VPS8: variants seen among roughly 807,000 people sequenced by gnomAD.
The protein encoded by VPS8 is VPS8 subunit of CORVET complex.
Under a neutral mutation model 216.4 loss-of-function variants are expected in VPS8, and 129 were observed. That is an observed-to-expected ratio of 0.60 (90% CI 0.52 to 0.69). VPS8 has a LOEUF of 0.69. Among genes scored for constraint, VPS8 ranks in the 30% least tolerant of loss-of-function variants. The probability of loss-of-function intolerance (pLI) is 0.00; values close to 1 mark genes in which losing one functional copy is unlikely to be tolerated. For missense variants in VPS8, 1,531 were observed against 1,683.5 expected (o/e 0.91, Z 1.59); for synonymous variants, 571 against 565.4 (o/e 1.01, Z -0.14).
intron 29 of VPS8, 151 bp from the exon 30 acceptor site, chr3:184,924,711 A>AT (rs1739249910): frequency 1.9e-6 from 2 of 1,030,250 alleles, no homozygotes; most frequent in South Asian, 3.6e-5. Flanking sequence ...TGCTTATTCT[A>AT]AATGGCGTTG....
At chr3:184,925,042 G>T in intron 30 of VPS8, 61 bp downstream of exon 30, 2 of 1,540,106 alleles carry the variant, frequency 1.3e-6, no homozygotes, top group African/African-American at 1.4e-5. Flanking sequence ...CAGTTCCCTG[G>T]ATTACACTGT....
chr3:184,960,201 G>A (rs1190463001), intron 37 of VPS8, among the ~76,000 whole-genome samples: 1 of 152,130 alleles, frequency 6.6e-6, no homozygotes, highest in Admixed American at 6.5e-5. Flanking sequence ...GTATTCCATG[G>A]TGTATATGTG....
chr3:184,913,636 T>G, intron 26 of VPS8, 75 bp downstream of exon 26: 1 of 1,227,204 alleles, frequency 8.1e-7, no homozygotes, highest in South Asian at 1.4e-5. Context: ...GATACTATGA[T>G]CTCTTATCTA....
In VPS8 at chr3:185,031,081, T is replaced by G. The variant is rs907327676; in HGVS notation, c.4056+6692T>G. ...GGTTGGCGTTTTTTTTTTTTTTTTT[T>G]TTTTTTTTTTAAGGGAAAAAGCCTC... On this transcript the variant is annotated intron_variant, in intron 46 of 47. Transcript: ENST00000625842. Among the ~76,000 whole-genome samples the G allele has an allele frequency of 8.1e-5, 12 of 148,926 alleles. No homozygotes were observed. In the East Asian group the frequency reaches 1.4e-3, roughly 17 times the overall value.
chr3:184,882,329 A>G (rs1482902729), intron 21 of VPS8: 2 of 446,588 alleles, frequency 4.5e-6, no homozygotes, highest in Non-Finnish European at 8.9e-6. Flanking sequence ...TAATATGATC[A>G]TGTGATTTTT....
intron 36 of VPS8, among the ~76,000 whole-genome samples, chr3:184,950,216 C>CTTTTTT (rs10700220): frequency 0.014 from 564 of 39,912 alleles, 168 homozygotes; most frequent in African/African-American, 0.027. Flanking sequence ...CAGTTTTCTG[C>CTTTTTT]TTTTTTTTTT....
At chr3:184,928,101 A>G (rs1740005285) in intron 31 of VPS8, among the ~76,000 whole-genome samples, 1 of 152,230 alleles carries the variant, frequency 6.6e-6, no homozygotes, top group South Asian at 2.1e-4. Flanking sequence ...ATTGTAAAGA[A>G]CCGTAAGACA....
chr3:184,995,961 T>C (rs1458927691), intron 43 of VPS8, among the ~76,000 whole-genome samples: 1 of 152,354 alleles, frequency 6.6e-6, no homozygotes, highest in Non-Finnish European at 1.5e-5. Context: ...TACAACACTC[T>C]GAGCCATTCA....
At position 184,926,636 on chromosome 3, in the gene VPS8, T is replaced by C. The variant is rs771473706; in HGVS notation, c.2617T>C (p.Ser873Pro). Residue 873 changes from serine to proline, a missense_variant, in exon 31 of 48, where the codon TCT becomes CCT. Ser to Pro is a moderately conservative substitution (Grantham distance 74). This residue lies in a region of VPS8 where 1,318 missense variants were observed against 1,468.4 expected (regional missense o/e 0.90). Transcript: ENST00000625842. ...LCSPDDDSRH[S>P]ERQQVLLELL... is the part of the protein sequence containing the mutation. ...TAGTCCTGACGATGACTCCCGACAC[T>C]CTGAAAGACAGCAGGTATGAACTAC... 1 of 1,605,606 alleles carries C rather than the reference T, an allele frequency of 6.2e-7. No homozygotes were observed. The highest frequency in any genetic ancestry group is 8.5e-7 in the Non-Finnish European group (1 of 1,175,872).
At chr3:184,879,726 C>T (rs1255121027) in intron 21 of VPS8, among the ~76,000 whole-genome samples, 1 of 152,134 alleles carries the variant, frequency 6.6e-6, no homozygotes, top group Non-Finnish European at 1.5e-5. Flanking sequence ...AGCAAGGCAA[C>T]TCTGTGAGGA....
intron 22 of VPS8, among the ~76,000 whole-genome samples, chr3:184,887,603 G>C (rs1281085724): frequency 6.6e-6 from 1 of 152,204 alleles, no homozygotes; most frequent in Non-Finnish European, 1.5e-5. Flanking sequence ...AGCTTTTGGT[G>C]GCAAAGGTGG....
chr3:184,999,953 A>C, intron 45 of VPS8, 92 bp downstream of exon 45: 4 of 1,396,686 alleles, frequency 2.9e-6, no homozygotes, highest in Non-Finnish European at 3.8e-6. Flanking sequence ...CATAGGTCTC[A>C]ACAAATTTAC....
intron 43 of VPS8, among the ~76,000 whole-genome samples, 185 bp downstream of exon 43, chr3:184,994,248 C>A (rs933239416): frequency 6.6e-6 from 1 of 151,864 alleles, no homozygotes; most frequent in Non-Finnish European, 1.5e-5. Flanking sequence ...ATACCTGTAA[C>A]GCCAGCACTT....
intron 43 of VPS8, among the ~76,000 whole-genome samples, chr3:184,995,107 A>G (rs1414022576): frequency 6.6e-6 from 1 of 152,214 alleles, no homozygotes; most frequent in African/African-American, 2.4e-5. Flanking sequence ...GACACAGCCA[A>G]ACCGTATCAC....
intron 5 of VPS8, among the ~76,000 whole-genome samples, chr3:184,837,805 G>T (rs1721402229): frequency 6.6e-6 from 1 of 152,230 alleles, no homozygotes; most frequent in African/African-American, 2.4e-5. Context: ...GAAGCTCTGA[G>T]TTTGAGATGT....
intron 24 of VPS8, 36 bp from the exon 25 acceptor site, chr3:184,900,885 A>T (rs78908868): frequency 2.0e-6 from 3 of 1,535,654 alleles, no homozygotes. Context: ...ATCATTTGAG[A>T]TGATGATGAT....
At chr3:184,940,739 A>G (rs77346600) in intron 36 of VPS8, among the ~76,000 whole-genome samples, 1 of 152,220 alleles carries the variant, frequency 6.6e-6, no homozygotes, top group African/African-American at 2.4e-5. Context: ...TTTTTTCAAC[A>G]GCTACTCTGA....
chr3:184,826,566 CTT>C (rs1323371053), intron 3 of VPS8, among the ~76,000 whole-genome samples: 4 of 152,216 alleles, frequency 2.6e-5, no homozygotes, highest in African/African-American at 9.6e-5. Flanking sequence ...TAAACCATCT[CTT>C]GTTCATCTTT....
At chr3:185,017,182 G>C (rs773149156) in intron 45 of VPS8, among the ~76,000 whole-genome samples, 4 of 151,966 alleles carry the variant, frequency 2.6e-5, no homozygotes, top group Non-Finnish European at 5.9e-5. Context: ...GTTGTCCATC[G>C]GGCCCTTCAC....
Sources: allele counts gnomAD v4.1 joint callset (sites outside exome capture counted in the v4.1 genomes callset), GRCh38; gene constraint gnomAD v4.1.1; regional missense constraint gnomAD v4.1.1; transcripts MANE v1.5; gene names NCBI Gene and HGNC (gene_info 2026-07-23, HGNC 2026-07-21).